Variants in PRPH2 observed in about 807,000 individuals in gnomAD.
The protein encoded by PRPH2 is peripherin 2.
PRPH2 carries 17 observed loss-of-function variants against 31.3 expected under a neutral mutation model. The observed-to-expected ratio is 0.54, with a 90% CI of 0.37 to 0.81. The LOEUF (loss-of-function observed/expected upper bound fraction) is 0.81. Ranked by LOEUF, PRPH2 falls within the 40% of genes least tolerant of loss-of-function variation. The probability of loss-of-function intolerance (pLI) is 0.00; values close to 1 mark genes in which losing one functional copy is unlikely to be tolerated. For missense variants in PRPH2, 430 were observed against 439.7 expected (o/e 0.98, Z 0.20); for synonymous variants, 165 against 184.4 (o/e 0.89, Z 0.85).
chr6:42,722,593 C>A lies in PRPH2; in HGVS notation c.-259G>T. 1.4e-6 allele frequency: 2 copies of A among 1,380,702 alleles called. No homozygotes were observed. The highest frequency in any genetic ancestry group is 1.9e-6 in the Non-Finnish European group (2 of 1,065,022). 85.5% of individuals were successfully genotyped at this position (1,380,702 alleles called of 1,614,324 possible). On this transcript the variant is annotated 5_prime_UTR_variant, in exon 1 of 3. Coordinates refer to ENST00000230381, the MANE Select transcript of PRPH2 (RefSeq NM_000322.5). This position sits in a 1 kb window ranked among gnomAD's most constrained non-coding sequence, Gnocchi z 4.4. ...GGCGTTGTTTCTTCAGCGCCCTTCC[C>A]AGCCAAGAAGGGGCAGCCTGAACGC...
chr6:42,704,688 C>G, intron 1 of PRPH2, 77 bp from the exon 2 acceptor site: 2 of 1,599,764 alleles, frequency 1.3e-6, no homozygotes, highest in Non-Finnish European at 1.7e-6. Flanking sequence ...ACCCCTGCCT[C>G]TGGAAACCTA....
chr6:42,715,437 G>A (rs138991050), intron 1 of PRPH2, among the ~76,000 whole-genome samples: 1,668 of 152,148 alleles, frequency 0.011, 31 homozygotes, highest in African/African-American at 0.037. Flanking sequence ...TTGGGAGGCC[G>A]AGGCAGGCGG....
chr6:42,710,957 G>A (rs928288703), intron 1 of PRPH2, among the ~76,000 whole-genome samples: 21 of 152,200 alleles, frequency 1.4e-4, no homozygotes, highest in Non-Finnish European at 2.4e-4. Context: ...TTAAACACTC[G>A]ACAGGGGATG....
At chr6:42,707,077 T>G (rs1377470877) in intron 1 of PRPH2, among the ~76,000 whole-genome samples, 1 of 151,692 alleles carries the variant, frequency 6.6e-6, no homozygotes, top group Non-Finnish European at 1.5e-5. Context: ...CTTTTGTATT[T>G]TCAGTAGAGA....
At chr6:42,718,476 T>TATTA (rs918014028) in intron 1 of PRPH2, among the ~76,000 whole-genome samples, 1 of 151,758 alleles carries the variant, frequency 6.6e-6, no homozygotes, top group African/African-American at 2.4e-5. Context: ...TCAAAATAAT[T>TATTA]ATTAATTAAT....
At chr6:42,712,482 A>G (rs1761685870) in intron 1 of PRPH2, among the ~76,000 whole-genome samples, 1 of 152,228 alleles carries the variant, frequency 6.6e-6, no homozygotes, top group African/African-American at 2.4e-5. Context: ...AGGTAAAAGG[A>G]AAGTATGTCC....
intron 1 of PRPH2, among the ~76,000 whole-genome samples, chr6:42,705,762 C>T (rs1358608062): frequency 6.7e-6 from 1 of 149,254 alleles, no homozygotes; most frequent in Non-Finnish European, 1.5e-5. Context: ...AGATCGAGAC[C>T]ATCCTGGCCA....
intron 2 of PRPH2, among the ~76,000 whole-genome samples, chr6:42,699,047 CTTTTTTT>C (rs759173553): frequency 7.8e-5 from 3 of 38,550 alleles, no homozygotes; most frequent in Non-Finnish European, 7.7e-5. Context: ...TGTGGTACTT[CTTTTTTT>C]TTTTTTTTTT....
At position 42,718,299 on chromosome 6, in the gene PRPH2, C is replaced by CA. The variant is rs3076888; in HGVS notation, c.581+3454dup. On this transcript the variant is annotated intron_variant, in intron 1 of 2. Transcript: ENST00000230381. ...ATCTCAAGAGAGTGAGACCCTGTCT[C>CA]AAAAAAAAAAAAAAAAATTAGCCCA... Among the ~76,000 whole-genome samples the CA allele has an allele frequency of 4.7e-3, 550 of 118,130 alleles. 2 individuals are homozygous for CA. The highest frequency in any genetic ancestry group is 8.9e-3 in the African/African-American group (284 of 31,886). 77.5% of individuals were successfully genotyped at this position (118,130 alleles called of 152,430 possible). A position where few individuals can be genotyped will look rare whatever the true frequency, so the allele number is the denominator to read the frequency against.
chr6:42,718,646 T>G (rs1761834507), intron 1 of PRPH2, among the ~76,000 whole-genome samples: 1 of 151,988 alleles, frequency 6.6e-6, no homozygotes, highest in Non-Finnish European at 1.5e-5. Flanking sequence ...GTGTGCTAAT[T>G]CATATATTTT....
intron 1 of PRPH2, among the ~76,000 whole-genome samples, chr6:42,719,811 C>T (rs979243632): frequency 2.0e-5 from 3 of 151,968 alleles, no homozygotes; most frequent in South Asian, 4.1e-4. Flanking sequence ...TCAGGTGATC[C>T]GCCCGCCTCG....
At position 42,717,210 on chromosome 6, in the gene PRPH2, C is replaced by T. The variant is rs1294249587; in HGVS notation, c.581+4544G>A. ...GGTGGATCACTTGAGGTTAGGAGTT[C>T]AAGACCAGCCTGGCCAACATGGTGA... On this transcript the variant is annotated intron_variant, in intron 1 of 2. Coordinates refer to ENST00000230381, the MANE Select transcript of PRPH2 (RefSeq NM_000322.5). Among the ~76,000 whole-genome samples, 9 of 150,770 alleles carry T rather than the reference C, an allele frequency of 6.0e-5. No homozygotes were observed. In the South Asian group the frequency reaches 1.9e-3, roughly 32 times the overall value.
chr6:42,718,592 G>A (rs1438443748), intron 1 of PRPH2, among the ~76,000 whole-genome samples: 2 of 152,118 alleles, frequency 1.3e-5, no homozygotes, highest in Non-Finnish European at 1.5e-5. Flanking sequence ...TGAGGTCACT[G>A]GAGGTTTTGA....
chr6:42,707,479 G>A (rs760643075), intron 1 of PRPH2, among the ~76,000 whole-genome samples: 1 of 152,114 alleles, frequency 6.6e-6, no homozygotes, highest in Admixed American at 6.6e-5. Flanking sequence ...TCCTGCTGGG[G>A]GCTGAGGTGG....
At chr6:42,711,723 T>A in intron 1 of PRPH2, 1 of 974,340 alleles carries the variant, frequency 1.0e-6, no homozygotes, top group Non-Finnish European at 1.2e-6. Flanking sequence ...CTCCTTGAGA[T>A]GTCTACGAAT....
chr6:42,716,271 A>C (rs1761776927), intron 1 of PRPH2, among the ~76,000 whole-genome samples: 1 of 151,968 alleles, frequency 6.6e-6, no homozygotes, highest in African/African-American at 2.4e-5. Flanking sequence ...AAAAAAAAGG[A>C]GAATTCTGCC....
chr6:42,701,030 G>A (rs1345605504), intron 2 of PRPH2, among the ~76,000 whole-genome samples: 1 of 149,966 alleles, frequency 6.7e-6, no homozygotes, highest in Non-Finnish European at 1.5e-5. Context: ...CTGTTAGAGT[G>A]CAGTGTTGAG....
intron 1 of PRPH2, among the ~76,000 whole-genome samples, chr6:42,719,732 G>A (rs1761861597): frequency 1.3e-5 from 2 of 151,670 alleles, no homozygotes; most frequent in South Asian, 4.2e-4. Context: ...ACCATGCCCG[G>A]CTAATTTTGT....
rs1006895672 is a variant in PRPH2, at chr6:42,697,712, G to C, written c.*583C>G. On this transcript the variant is annotated 3_prime_UTR_variant, in exon 3 of 3. Transcript: ENST00000230381. ...CTCCATGATTAAAGAATCCTGTTTA[G>C]AGCCCTCAATGCCTTAAGAGTCCAT... is the stretch of plus-strand genomic sequence containing the variant. 2 of 152,700 alleles carry C rather than the reference G, an allele frequency of 1.3e-5. No individual in the cohort carries two copies. The highest frequency in any genetic ancestry group is 3.9e-4 in the East Asian group (2 of 5,182). 9.5% of individuals were successfully genotyped at this position (152,700 alleles called of 1,614,324 possible).
Sources: gnomAD v4.1 joint callset for allele counts (sites outside exome capture counted in the v4.1 genomes callset) on GRCh38, gnomAD v4.1.1 for gene constraint, Gnocchi (gnomAD v3.1) non-coding constraint, MANE v1.5 for transcripts, NCBI Gene and HGNC (gene_info 2026-07-23, HGNC 2026-07-21) for gene names.